The following NUCB1 variants were observed in gnomAD, a reference collection of about 807,000 sequenced individuals.
NUCB1 encodes nucleobindin 1.
Under a neutral mutation model 61.2 loss-of-function variants are expected in NUCB1, and 47 were observed. The ratio of observed to expected loss-of-function variants is 0.77; its 90% CI spans 0.61 to 0.98. The LOEUF is 0.98. Among genes scored for constraint, NUCB1 ranks in the 50% least tolerant of loss-of-function variants. NUCB1 has a pLI of 0.00. For missense variants in NUCB1, 583 were observed against 605.3 expected (o/e 0.96, Z 0.39); for synonymous variants, 234 against 243.1 (o/e 0.96, Z 0.35).
chr19:48,902,611 T>C (rs1274138951), intron 2 of NUCB1, among the ~76,000 whole-genome samples: 4 of 150,584 alleles, frequency 2.7e-5, no homozygotes, highest in African/African-American at 9.8e-5. Flanking sequence ...GGTGTCATTA[T>C]ACTGCCCAGG....
Position 48,913,171 on chromosome 19 carries a change from G to A in NUCB1, c.641G>A (p.Arg214His), listed in dbSNP as rs756889769. 28 of 1,613,336 alleles carry A rather than the reference G, an allele frequency of 1.7e-5. No homozygotes were observed. The highest frequency in any genetic ancestry group is 1.6e-4 in the Middle Eastern group (1 of 6,078). Residue 214 changes from arginine to histidine, a missense_variant, in exon 6 of 13, where the codon CGC becomes CAC. Arg to His is a conservative substitution (Grantham distance 29). Transcript: ENST00000405315. ...CTGGAAGAGCAACAGCGCCGGCACC[G>A]CGAGCACCCTAAAGTCAACGTGCCT... ...RKLEEQQRRH[R>H]EHPKVNVPGS... is the part of the protein sequence containing the mutation.
Position 48,921,208 on chromosome 19 carries a change from G to A in NUCB1, c.1057G>A (p.Glu353Lys). The A allele has an allele frequency of 1.2e-6, 2 of 1,613,366 alleles. No individual in the cohort carries two copies. Among genetic ancestry groups the A allele is most frequent in the South Asian group, 1.1e-5 (1 of 91,050 alleles). The part of the protein sequence containing the change: ...TEEELRRFEE[E>K]LAAREAELNA... Reference sequence around the variant, plus strand: ...GGAAGAGCTGAGGCGCTTTGAAGAGGAGCTGGCTGCCCGGGAGGCAGAGCT... The same window carrying A: ...GGAAGAGCTGAGGCGCTTTGAAGAGAAGCTGGCTGCCCGGGAGGCAGAGCT... The change falls in exon 11 of 13, where the codon GAG becomes AAG. Residue 353 changes from glutamate (E) to lysine (K), a missense_variant. Physicochemically the swap from Glu to Lys is moderately conservative, Grantham distance 56. Coordinates refer to ENST00000405315, the MANE Select transcript of NUCB1 (RefSeq NM_006184.6).
intron 7 of NUCB1, among the ~76,000 whole-genome samples, chr19:48,914,912 C>T (rs1358951688): frequency 6.6e-6 from 1 of 151,910 alleles, no homozygotes; most frequent in African/African-American, 2.4e-5. Context: ...GAAACCCCAT[C>T]TCCACAAAAA....
At chr19:48,908,963 G>C (rs1177087790) in intron 4 of NUCB1, among the ~76,000 whole-genome samples, 1 of 152,062 alleles carries the variant, frequency 6.6e-6, no homozygotes, top group African/African-American at 2.4e-5. Flanking sequence ...ACTCCCATAT[G>C]AGGGAGGCTG....
chr19:48,917,945 A>G (rs2037560071), intron 7 of NUCB1, among the ~76,000 whole-genome samples: 1 of 151,288 alleles, frequency 6.6e-6, no homozygotes, highest in Non-Finnish European at 1.5e-5. Flanking sequence ...TGGCCCCTAC[A>G]TTTTCTTTAA....
chr19:48,904,459 G>C lies in NUCB1; in HGVS notation c.243+5G>C. ...GCCAATGCGGAGGACATCAAGGTGC[G>C]GCTGGGGGAGTGGGGGCTGTGGGAG... is the stretch of plus-strand genomic sequence containing the variant. On this transcript the variant is annotated splice_donor_5th_base_variant and intron_variant, in intron 3 of 12. Transcript: ENST00000405315. 6.3e-7 allele frequency: 1 copy of C among 1,599,696 alleles called. No individual in the cohort carries two copies. Among genetic ancestry groups the C allele is most frequent in the Non-Finnish European group, 8.6e-7 (1 of 1,168,464 alleles).
chr19:48,902,604 G>A (rs1038381955), intron 2 of NUCB1, among the ~76,000 whole-genome samples: 1 of 151,084 alleles, frequency 6.6e-6, no homozygotes, highest in Non-Finnish European at 1.5e-5. Context: ...GAGACAGGGT[G>A]TCATTATACT....
chr19:48,920,504 T>C (rs984692915), intron 10 of NUCB1, among the ~76,000 whole-genome samples: 1 of 152,014 alleles, frequency 6.6e-6, no homozygotes, highest in African/African-American at 2.4e-5. Context: ...TCTAGGTCTC[T>C]GTTTTATTTA....
At chr19:48,911,321 C>A (rs759565104) in intron 5 of NUCB1, 69 bp downstream of exon 5, 9 of 1,098,858 alleles carry the variant, frequency 8.2e-6, no homozygotes, top group Non-Finnish European at 1.2e-5. Flanking sequence ...GGGACAGAGT[C>A]CCAGACGTGA....
chr19:48,903,926 G>GTGGGTGGGTGGATGGATGGATGAGTGGA (rs1568583315), intron 2 of NUCB1, among the ~76,000 whole-genome samples: 1 of 119,456 alleles, frequency 8.4e-6, no homozygotes, highest in Non-Finnish European at 1.8e-5. Context: ...GGATGGATGG[G>GTGGGTGGGTGGATGGATGGATGAGTGGA]TGGGTGGGTG....
chr19:48,921,308 AGAG>A lies in NUCB1; in HGVS notation c.1158_1160del (p.Arg387del). ...TCCCAGGGCCGCCTGGAGGCCCAGA[AGAG>A]AGAGCTGCAGCAGGTGACAGCGGGG... is the stretch of plus-strand genomic sequence containing the variant. On this transcript the variant is annotated inframe_deletion, in exon 11 of 13. Transcript: ENST00000405315. The A allele has an allele frequency of 6.3e-7, 1 of 1,590,910 alleles. No homozygotes were observed. Among genetic ancestry groups the A allele is most frequent in the Non-Finnish European group, 8.6e-7 (1 of 1,169,306 alleles).
chr19:48,921,474 A>G (rs1189349418), intron 11 of NUCB1, 150 bp downstream of exon 11: 1 of 913,024 alleles, frequency 1.1e-6, no homozygotes, highest in African/African-American at 1.6e-5. Flanking sequence ...GAGTAAGGGC[A>G]GACGTTTTCC....
intron 5 of NUCB1, among the ~76,000 whole-genome samples, chr19:48,911,782 A>G (rs747173208): frequency 3.3e-5 from 5 of 151,856 alleles, no homozygotes; most frequent in Non-Finnish European, 5.9e-5. Flanking sequence ...TCTATTTCCA[A>G]ATAAGATCAC....
In NUCB1 at chr19:48,918,752, G is replaced by A; in HGVS notation, c.784G>A (p.Glu262Lys). 1.9e-6 allele frequency: 3 copies of A among 1,614,096 alleles called. No homozygotes were observed. The highest frequency in any genetic ancestry group is 2.5e-6 in the Non-Finnish European group (3 of 1,179,962). ...HDINSDGVLD[E>K]QELEALFTKE... Reference sequence around the variant, plus strand: ...TATCAACAGTGATGGTGTCCTGGATGAGCAGGAGCTGGAGGCACTCTTCAC... The same window carrying A: ...TATCAACAGTGATGGTGTCCTGGATAAGCAGGAGCTGGAGGCACTCTTCAC... The change falls in exon 8 of 13, where the codon GAG becomes AAG. Residue 262 changes from glutamate to lysine, a missense_variant. Glu to Lys is a moderately conservative substitution (Grantham distance 56). Coordinates refer to ENST00000405315, the MANE Select transcript of NUCB1 (RefSeq NM_006184.6).
At chr19:48,912,770 A>G (rs2122187170) in intron 5 of NUCB1, among the ~76,000 whole-genome samples, 1 of 143,986 alleles carries the variant, frequency 6.9e-6, no homozygotes, top group East Asian at 2.1e-4. Context: ...CGGAAGACAG[A>G]GGTTGAAGTG....
chr19:48,902,438 T>TTTTG (rs374146313), intron 2 of NUCB1, among the ~76,000 whole-genome samples: 2 of 138,692 alleles, frequency 1.4e-5, no homozygotes, highest in African/African-American at 2.9e-5. Flanking sequence ...TTTTTTTTTT[T>TTTTG]ATTTTTGCTG....
chr19:48,903,527 T>C (rs2037376124), intron 2 of NUCB1, among the ~76,000 whole-genome samples: 1 of 99,914 alleles, frequency 1.0e-5, no homozygotes. Context: ...GATGGATGGA[T>C]GGGTGGGTGG....
chr19:48,900,891 G>A lies in NUCB1; in HGVS notation c.95G>A (p.Gly32Glu). ...RAVLAVPLER[G>E]APNKEETPAT... is the part of the protein sequence containing the mutation. Reference sequence around the variant, plus strand: ...GTGCTGGCTGTCCCCCTGGAGCGAGGGGCGCCCAACAAGGAGGAGACCCCT... The same window carrying A: ...GTGCTGGCTGTCCCCCTGGAGCGAGAGGCGCCCAACAAGGAGGAGACCCCT... The change falls in exon 2 of 13, where the codon GGG becomes GAG. Residue 32 changes from glycine (G) to glutamate (E), a missense_variant. Gly to Glu is a moderately conservative substitution (Grantham distance 98). Coordinates refer to ENST00000405315, the MANE Select transcript of NUCB1 (RefSeq NM_006184.6). 6.2e-7 allele frequency: 1 copy of A among 1,613,924 alleles called. No homozygotes were observed.
chr19:48,919,733 C>G (rs960561988), intron 10 of NUCB1, among the ~76,000 whole-genome samples: 1 of 150,214 alleles, frequency 6.7e-6, no homozygotes, highest in Non-Finnish European at 1.5e-5. Context: ...CCACCTTGGC[C>G]TCCCAAAGTG....
Sources: gnomAD v4.1 joint callset for allele counts (sites outside exome capture counted in the v4.1 genomes callset) on GRCh38, gnomAD v4.1.1 for gene constraint, MANE v1.5 for transcripts, NCBI Gene and HGNC (gene_info 2026-07-23, HGNC 2026-07-21) for gene names.